DENND2B: variants seen among roughly 807,000 people sequenced by gnomAD.
DENND2B encodes DENN domain containing 2B, also known as DENN domain-containing protein 2B.
In DENND2B, 32 loss-of-function variants were observed where a neutral mutation model predicts 116.0. The ratio of observed to expected loss-of-function variants is 0.28; its 90% CI spans 0.21 to 0.37. DENND2B has a LOEUF of 0.37. Ranked by LOEUF, DENND2B falls within the 10% of genes least tolerant of loss-of-function variation. The pLI is 1.00. For missense variants in DENND2B, 1,276 were observed against 1,477.7 expected, an observed-to-expected ratio of 0.86 and a Z score of 2.24; for synonymous variants, 588 against 583.9, an observed-to-expected ratio of 1.01 and a Z score of -0.10.
chr11:8,867,893 A>C (rs2063640803), intron 2 of DENND2B, among the ~76,000 whole-genome samples: 1 of 152,148 alleles, frequency 6.6e-6, no homozygotes. Context: ...AAAATTCAGC[A>C]TTTTTAAGAA....
At chr11:8,907,448 G>T (rs73410029) in intron 1 of DENND2B, among the ~76,000 whole-genome samples, 2 of 152,072 alleles carry the variant, frequency 1.3e-5, no homozygotes, top group African/African-American at 4.8e-5. Context: ...TCAATCTGTG[G>T]TTTACAGGAT....
chr11:8,711,782 G>A (rs556447029), intron 9 of DENND2B: 276 of 282,730 alleles, frequency 9.8e-4, no homozygotes, highest in Middle Eastern at 5.5e-3. Context: ...CAGGAGAATC[G>A]CTTGAACCCA....
intron 3 of DENND2B, among the ~76,000 whole-genome samples, chr11:8,846,472 A>G (rs2062818067): frequency 6.6e-6 from 1 of 152,178 alleles, no homozygotes; most frequent in Non-Finnish European, 1.5e-5. Context: ...CTCCAAGAGA[A>G]GGCTCATGGT....
chr11:8,729,887 C>T (rs966914369), intron 3 of DENND2B, 63 bp downstream of exon 3: 1 of 1,578,254 alleles, frequency 6.3e-7, no homozygotes, highest in Non-Finnish European at 8.6e-7. Flanking sequence ...TCTGTGTTTG[C>T]ACTGTCCATT....
intron 1 of DENND2B, among the ~76,000 whole-genome samples, chr11:8,885,627 G>C (rs2063951964): frequency 6.6e-6 from 1 of 152,126 alleles, no homozygotes; most frequent in Non-Finnish European, 1.5e-5. Context: ...AAAACATTTA[G>C]AAACAAATTG....
At chr11:8,727,958 TACACAA>T (rs2047377894) in intron 3 of DENND2B, among the ~76,000 whole-genome samples, 2 of 117,980 alleles carry the variant, frequency 1.7e-5, no homozygotes, top group African/African-American at 6.5e-5. Flanking sequence ...GCTTGCATTT[TACACAA>T]ACACACACAC....
chr11:8,838,425 A>G (rs534319406), intron 4 of DENND2B, among the ~76,000 whole-genome samples: 1 of 152,322 alleles, frequency 6.6e-6, no homozygotes, highest in South Asian at 2.1e-4. Flanking sequence ...ACTGACCACA[A>G]CACCTCCGTT....
rs35118063 is a variant in DENND2B, at chr11:8,781,615, T to TACACAC, written c.-26+28896_-26+28901dup. Among the ~76,000 whole-genome samples, 14 of 149,026 alleles carry TACACAC rather than the reference T, an allele frequency of 9.4e-5. No homozygotes were observed. The South Asian group carries it at 1.9e-3, about 21-fold the overall frequency. On this transcript the variant is annotated intron_variant, in intron 1 of 19. Coordinates refer to ENST00000313726, the MANE Select transcript of DENND2B (RefSeq NM_213618.2). ...ATTTTTCTGGAAAACAATTTAGGAATACACACACACACACACACACACACA... is the reference window on the plus strand; with the variant it reads ...ATTTTTCTGGAAAACAATTTAGGAATACACACACACACACACACACACACACACACA...
At chr11:8,710,978 A>T in intron 10 of DENND2B, 64 bp from the exon 11 acceptor site, 1 of 1,594,682 alleles carries the variant, frequency 6.3e-7, no homozygotes, top group Non-Finnish European at 8.6e-7. Context: ...GCCCCCAAGA[A>T]TAGGGACCGT....
In DENND2B at chr11:8,712,515, G is replaced by A. The variant is rs1400466866; in HGVS notation, c.2172+36C>T. 6.5e-7 allele frequency: 1 copy of A among 1,537,106 alleles called. No individual in the cohort carries two copies. The highest frequency in any genetic ancestry group is 2.0e-5 in the Admixed American group (1 of 50,224). On this transcript the variant is annotated intron_variant, in intron 9 of 19. Transcript: ENST00000313726. The surrounding 1 kb of genome is among the most constrained non-coding windows in gnomAD (Gnocchi z 4.4). Reference sequence around the variant, plus strand: ...CTGGCGGATAGAGGATGGAAGAGGGGGAATATGGGCAAGGTGGGGAGAGAG... The same window carrying A: ...CTGGCGGATAGAGGATGGAAGAGGGAGAATATGGGCAAGGTGGGGAGAGAG...
chr11:8,708,041 C>T (rs2042925706), intron 11 of DENND2B, 187 bp from the exon 12 acceptor site: 1 of 1,514,964 alleles, frequency 6.6e-7, no homozygotes, highest in East Asian at 2.5e-5. Context: ...TCAGGACAGG[C>T]CTCAGCTCTG....
intron 1 of DENND2B, among the ~76,000 whole-genome samples, chr11:8,897,413 A>AT (rs2064116762): frequency 6.6e-6 from 1 of 152,196 alleles, no homozygotes; most frequent in Non-Finnish European, 1.5e-5. Flanking sequence ...CAGCTCCAAC[A>AT]TAGTAGTTCT....
At chr11:8,821,958 A>AT (rs1410274928) in intron 4 of DENND2B, among the ~76,000 whole-genome samples, 3 of 152,004 alleles carry the variant, frequency 2.0e-5, no homozygotes, top group African/African-American at 7.3e-5. Flanking sequence ...CACCCTGCTA[A>AT]TTTTTTTATT....
chr11:8,763,782 A>G (rs1023917974), intron 1 of DENND2B, among the ~76,000 whole-genome samples: 8 of 152,010 alleles, frequency 5.3e-5, no homozygotes, highest in South Asian at 2.1e-4. Flanking sequence ...TGTTGGTTAC[A>G]TGGGTTCAGT....
intron 1 of DENND2B, among the ~76,000 whole-genome samples, chr11:8,778,063 G>C (rs1445767054): frequency 2.0e-5 from 3 of 152,164 alleles, no homozygotes; most frequent in African/African-American, 7.2e-5. Flanking sequence ...TACAGCTCAG[G>C]TCAGCCAGAA....
At chr11:8,908,321 C>A (rs2064265519) in intron 1 of DENND2B, among the ~76,000 whole-genome samples, 1 of 152,130 alleles carries the variant, frequency 6.6e-6, no homozygotes, top group South Asian at 2.1e-4. Context: ...ACTGGAATGA[C>A]TAAAATAGAA....
At chr11:8,740,794 G>A (rs1336656033) in intron 2 of DENND2B, among the ~76,000 whole-genome samples, 2 of 152,188 alleles carry the variant, frequency 1.3e-5, no homozygotes, top group African/African-American at 2.4e-5. Context: ...GGCCCTGTTG[G>A]CTTGGTGGCA....
rs1021270801 is a variant in DENND2B, at chr11:8,899,283, G to A, written c.-256+11538C>T. On this transcript the variant is annotated intron_variant, in intron 1 of 22. Coordinates refer to the DENND2B transcript ENST00000534127. ...CAGAAAAAGAAGAGAAAGAGAAAGG[G>A]ACAGAAAAAAATGGCTGAAAACTTT... Among the ~76,000 whole-genome samples, 8 of 137,916 alleles carry A rather than the reference G, an allele frequency of 5.8e-5. No individual in the cohort carries two copies. The East Asian group carries it at 1.8e-3, about 32-fold the overall frequency. 90.5% of individuals were successfully genotyped at this position (137,916 alleles called of 152,430 possible).
At chr11:8,740,726 A>T (rs939259175) in intron 2 of DENND2B, among the ~76,000 whole-genome samples, 2 of 152,154 alleles carry the variant, frequency 1.3e-5, no homozygotes, top group Non-Finnish European at 2.9e-5. Flanking sequence ...AGCCTGCTTC[A>T]AATGAAACTG....
Sources: allele counts gnomAD v4.1 joint callset (sites outside exome capture counted in the v4.1 genomes callset), GRCh38; gene constraint gnomAD v4.1.1; non-coding constraint Gnocchi (gnomAD v3.1); transcripts MANE v1.5; gene names NCBI Gene and HGNC (gene_info 2026-07-23, HGNC 2026-07-21).